ZCCHC7: variants seen among roughly 807,000 people sequenced by gnomAD.
ZCCHC7 encodes zinc finger CCHC domain-containing protein 7.
In ZCCHC7, 35 loss-of-function variants were observed where a neutral mutation model predicts 52.0. The observed-to-expected ratio is 0.67, with a 90% CI of 0.51 to 0.89. The LOEUF is 0.89. ZCCHC7 is among the 40% of genes least tolerant of loss of function. The pLI, the probability that ZCCHC7 is intolerant of heterozygous loss-of-function variation, is 0.00. For synonymous variants in ZCCHC7, 217 were observed against 221.5 expected (o/e 0.98, Z 0.18); for missense variants, 574 against 649.1 (o/e 0.88, Z 1.26).
intron 2 of ZCCHC7, among the ~76,000 whole-genome samples, chr9:37,250,648 C>T (rs1043365107): frequency 6.6e-6 from 1 of 152,156 alleles, no homozygotes; most frequent in African/African-American, 2.4e-5. Context: ...ATTGGCCATT[C>T]CTTGAATAAG....
chr9:37,343,552 A>G (rs1425480998), intron 6 of ZCCHC7, among the ~76,000 whole-genome samples: 1 of 152,230 alleles, frequency 6.6e-6, no homozygotes, highest in Non-Finnish European at 1.5e-5. Context: ...GGGATAAATC[A>G]TGAGAACTAC....
intron 2 of ZCCHC7, among the ~76,000 whole-genome samples, chr9:37,153,960 G>A (rs1820677339): frequency 6.6e-6 from 1 of 152,166 alleles, no homozygotes; most frequent in Admixed American, 6.5e-5. Context: ...TACAATCACG[G>A]TTCATTGCAG....
At chr9:37,143,265 A>G (rs547557576) in intron 2 of ZCCHC7, among the ~76,000 whole-genome samples, 1 of 151,920 alleles carries the variant, frequency 6.6e-6, no homozygotes, top group East Asian at 1.9e-4. Flanking sequence ...TATGGTAACT[A>G]TTGAAGTATG....
intron 2 of ZCCHC7, among the ~76,000 whole-genome samples, chr9:37,200,313 G>T (rs571078344): frequency 6.6e-6 from 1 of 151,796 alleles, no homozygotes; most frequent in African/African-American, 2.4e-5. Context: ...TAAGCTCTTG[G>T]CTGTATTCAG....
intron 1 of ZCCHC7, among the ~76,000 whole-genome samples, chr9:37,124,321 G>GTCTT (rs1842449351): frequency 6.6e-6 from 1 of 151,742 alleles, no homozygotes; most frequent in African/African-American, 2.4e-5. Context: ...TAGAATTTAA[G>GTCTT]ACTTTGGAGT....
At chr9:37,184,855 C>T (rs192501998) in intron 2 of ZCCHC7, among the ~76,000 whole-genome samples, 5 of 152,140 alleles carry the variant, frequency 3.3e-5, no homozygotes, top group Admixed American at 6.5e-5. Context: ...ATTGTTTTTA[C>T]GTATGAATGT....
At chr9:37,216,002 C>T (rs776952114) in intron 2 of ZCCHC7, among the ~76,000 whole-genome samples, 1 of 152,248 alleles carries the variant, frequency 6.6e-6, no homozygotes, top group African/African-American at 2.4e-5. Flanking sequence ...TCATTATTCA[C>T]AGTTAAAGGA....
chr9:37,166,428 A>G (rs1173460238), intron 2 of ZCCHC7, among the ~76,000 whole-genome samples: 3 of 151,862 alleles, frequency 2.0e-5, no homozygotes, highest in Non-Finnish European at 4.4e-5. Flanking sequence ...TAGAATCTCT[A>G]GTGATACCAC....
intron 6 of ZCCHC7, among the ~76,000 whole-genome samples, chr9:37,337,477 G>A (rs528776509): frequency 5.6e-5 from 8 of 141,898 alleles, no homozygotes; most frequent in African/African-American, 2.1e-4. Flanking sequence ...CTTTCTCACT[G>A]CATGGGCAGA....
At chr9:37,200,095 T>C (rs958947883) in intron 2 of ZCCHC7, among the ~76,000 whole-genome samples, 2 of 152,192 alleles carry the variant, frequency 1.3e-5, no homozygotes, top group Admixed American at 6.5e-5. Flanking sequence ...TCTCTTTTGA[T>C]TGGGTTACAC....
chr9:37,299,479 G>A (rs186989715), intron 2 of ZCCHC7, among the ~76,000 whole-genome samples: 40 of 152,292 alleles, frequency 2.6e-4, no homozygotes, highest in Admixed American at 2.2e-3. Flanking sequence ...TAGCGGCACA[G>A]TTAACTCTAG....
chr9:37,288,936 T>C (rs1172726652), intron 2 of ZCCHC7, among the ~76,000 whole-genome samples: 1 of 152,206 alleles, frequency 6.6e-6, no homozygotes, highest in African/African-American at 2.4e-5. Flanking sequence ...GGTTCAGATC[T>C]GTCTCTGAAA....
chr9:37,207,356 C>T (rs1039256609), intron 2 of ZCCHC7, among the ~76,000 whole-genome samples: 2 of 151,776 alleles, frequency 1.3e-5, no homozygotes, highest in African/African-American at 2.4e-5. Flanking sequence ...TTTTTCTATA[C>T]GTTAATGTGT....
chr9:37,307,988 C>T (rs1482893215), intron 5 of ZCCHC7, among the ~76,000 whole-genome samples: 1 of 152,114 alleles, frequency 6.6e-6, no homozygotes, highest in Admixed American at 6.5e-5. Context: ...TATCTACCTA[C>T]CAGCAGTGTT....
chr9:37,334,718 T>A (rs949063182), intron 6 of ZCCHC7, among the ~76,000 whole-genome samples: 1 of 151,962 alleles, frequency 6.6e-6, no homozygotes, highest in Non-Finnish European at 1.5e-5. Flanking sequence ...CTATTTTGAG[T>A]TGGTGCAATG....
intron 2 of ZCCHC7, among the ~76,000 whole-genome samples, chr9:37,300,549 TG>T (rs1191586655): frequency 6.6e-6 from 1 of 152,252 alleles, no homozygotes; most frequent in Non-Finnish European, 1.5e-5. Context: ...TTGGTCTTTT[TG>T]TAAAGCAGCC....
rs141573673 is a variant in ZCCHC7 at position 37,126,919 on chromosome 9, G to C, written c.587G>C (p.Gly196Ala). Residue 196 changes from glycine to alanine, a missense_variant, in exon 2 of 9, where the codon GGA becomes GCA. Gly to Ala is a moderately conservative substitution (Grantham distance 60). Transcript: ENST00000336755. The part of the protein sequence containing the change: ...KDDDILLNLV[G>A]CENSVTEGED... ...GATGATATCCTTCTCAACCTTGTGG[G>C]ATGTGAAAACTCTGTTACTGAAGGT... 6.2e-7 allele frequency: 1 copy of C among 1,613,602 alleles called. No individual in the cohort carries two copies. Among genetic ancestry groups the C allele is most frequent in the South Asian group, 1.1e-5 (1 of 91,062 alleles).
At chr9:37,192,464 G>A (rs1823067459) in intron 2 of ZCCHC7, among the ~76,000 whole-genome samples, 1 of 152,164 alleles carries the variant, frequency 6.6e-6, no homozygotes, top group African/African-American at 2.4e-5. Flanking sequence ...TTTTTGAAAT[G>A]TAGAAATATA....
chr9:37,144,611 ATTG>A (rs1843357253), intron 2 of ZCCHC7, among the ~76,000 whole-genome samples: 2 of 151,984 alleles, frequency 1.3e-5, no homozygotes, highest in East Asian at 3.9e-4. Flanking sequence ...TAATATTCTT[ATTG>A]TTTTATAAAT....
Sources: gnomAD v4.1 joint callset for allele counts (sites outside exome capture counted in the v4.1 genomes callset) on GRCh38, gnomAD v4.1.1 for gene constraint, MANE v1.5 for transcripts, NCBI Gene and HGNC (gene_info 2026-07-23, HGNC 2026-07-21) for gene names.